Variants in CDH4 observed in about 807,000 individuals in gnomAD.
The protein encoded by CDH4 is cadherin-4.
CDH4 carries 33 observed loss-of-function variants against 86.0 expected under a neutral mutation model. That is an observed-to-expected ratio of 0.38 (90% CI 0.29 to 0.51). CDH4 has a LOEUF of 0.51. Among genes scored for constraint, CDH4 ranks in the 20% least tolerant of loss-of-function variants. The pLI, the probability that CDH4 is intolerant of heterozygous loss-of-function variation, is 0.86. For synonymous variants in CDH4, 555 were observed against 549.4 expected, an observed-to-expected ratio of 1.01 and a Z score of -0.14; for missense variants, 1,114 against 1,307.4, an observed-to-expected ratio of 0.85 and a Z score of 2.28.
chr20:61,404,518 G>A (rs2085069088), intron 2 of CDH4, among the ~76,000 whole-genome samples: 1 of 152,088 alleles, frequency 6.6e-6, no homozygotes, highest in Non-Finnish European at 1.5e-5. Flanking sequence ...CTTAATTGTG[G>A]TTATGACGAT....
intron 2 of CDH4, among the ~76,000 whole-genome samples, chr20:61,487,928 T>C (rs1396242167): frequency 6.6e-6 from 1 of 152,204 alleles, no homozygotes; most frequent in South Asian, 2.1e-4. Context: ...CTCTTCCTAA[T>C]AGGAGCATCT....
chr20:61,256,995 A>G (rs1337641885), intron 2 of CDH4, among the ~76,000 whole-genome samples: 1 of 152,258 alleles, frequency 6.6e-6, no homozygotes, highest in African/African-American at 2.4e-5. Flanking sequence ...CTGTACGCAG[A>G]GTACTTTGAA....
intron 5 of CDH4, among the ~76,000 whole-genome samples, chr20:61,848,401 T>G (rs1982557230): frequency 6.6e-6 from 1 of 152,272 alleles, no homozygotes. Context: ...AGACAGGGTC[T>G]CGCTCTGTCA....
chr20:61,295,091 G>T (rs944888969), intron 2 of CDH4, among the ~76,000 whole-genome samples: 1 of 152,224 alleles, frequency 6.6e-6, no homozygotes, highest in East Asian at 1.9e-4. Flanking sequence ...TCGAAGGCAG[G>T]GAGTGTCATG....
rs1333650352 is a variant in CDH4, at chr20:61,937,311, G to A, written c.*368G>A. 1 of 162,628 alleles carries A rather than the reference G, an allele frequency of 6.1e-6. No homozygotes were observed. Among genetic ancestry groups the A allele is most frequent in the African/African-American group, 2.4e-5 (1 of 41,106 alleles). 10.1% of individuals were successfully genotyped at this position (162,628 alleles called of 1,614,324 possible). On this transcript the variant is annotated 3_prime_UTR_variant, in exon 16 of 16. Transcript: ENST00000614565. ...GTATCAGATTCCCTCAAACTCAGGA[G>A]TGTCTAAAGCAGACAGACCGTCCCC...
At chr20:61,314,580 T>C (rs35525040) in intron 2 of CDH4, among the ~76,000 whole-genome samples, 6,658 of 152,286 alleles carry the variant, frequency 0.044, 197 homozygotes, top group African/African-American at 0.067. Flanking sequence ...TGCAATGAAC[T>C]TGGGACTGCA....
intron 2 of CDH4, among the ~76,000 whole-genome samples, chr20:61,595,559 A>G (rs747945525): frequency 1.5e-4 from 23 of 152,184 alleles, no homozygotes; most frequent in Non-Finnish European, 2.5e-4. Context: ...AACAATAAGA[A>G]CTGCCCAGGA....
At chr20:61,624,636 G>A (rs554499033) in intron 2 of CDH4, among the ~76,000 whole-genome samples, 121 of 152,378 alleles carry the variant, frequency 7.9e-4, no homozygotes, top group African/African-American at 2.8e-3. Flanking sequence ...CAGGGACAAA[G>A]AGAGGAAAAG....
intron 2 of CDH4, among the ~76,000 whole-genome samples, chr20:61,654,266 A>C (rs2087162717): frequency 6.6e-6 from 1 of 152,234 alleles, no homozygotes. Context: ...CCACCAAAAA[A>C]ACATGAAAAC....
intron 7 of CDH4, among the ~76,000 whole-genome samples, chr20:61,889,778 G>A (rs910712323): frequency 1.3e-5 from 2 of 151,392 alleles, no homozygotes; most frequent in Non-Finnish European, 2.9e-5. Flanking sequence ...TATGCATGAT[G>A]GATGGGTGAG....
chr20:61,720,440 T>C (rs575116194), intron 2 of CDH4, among the ~76,000 whole-genome samples: 8 of 139,678 alleles, frequency 5.7e-5, no homozygotes, highest in Middle Eastern at 3.7e-3. Context: ...GGATGCAAGA[T>C]GTAGGGGTGC....
intron 2 of CDH4, among the ~76,000 whole-genome samples, chr20:61,732,291 T>C (rs2088200283): frequency 6.6e-6 from 1 of 152,158 alleles, no homozygotes; most frequent in South Asian, 2.1e-4. Flanking sequence ...CAACACTCAG[T>C]CTCTGCACTG....
Position 61,923,581 on chromosome 20 carries a change from A to T in CDH4, c.1505A>T (p.Asn502Ile). 2 of 1,614,182 alleles carry T rather than the reference A, an allele frequency of 1.2e-6. No individual in the cohort carries two copies. The highest frequency in any genetic ancestry group is 1.7e-6 in the Non-Finnish European group (2 of 1,180,030). Reference sequence around the variant, plus strand: ...GTGACCATCTCCATCATGGACATCAACGAGGCTCCCTACTTCCCCTCAAAC... The same window carrying T: ...GTGACCATCTCCATCATGGACATCATCGAGGCTCCCTACTTCCCCTCAAAC... ...AGVTISIMDI[N>I]EAPYFPSNHK... The change falls in exon 10 of 16, where the codon AAC (asparagine) becomes ATC (isoleucine). Residue 502 changes from asparagine to isoleucine, a missense_variant. By Grantham distance (149) the Asn-to-Ile change is moderately radical. Transcript: ENST00000614565.
chr20:61,423,945 A>G lies in CDH4; in HGVS notation c.169+169008A>G, dbSNP rs146551153. The stretch of plus-strand genomic sequence containing the variant: ...AGGCTGTGCACATGCTCCTGTACAC[A>G]GGCACATGCCCACACCTACAAATGA... On this transcript the variant is annotated intron_variant, in intron 2 of 15. Transcript: ENST00000614565. Among the ~76,000 whole-genome samples, 25 of 149,272 alleles carry G rather than the reference A, an allele frequency of 1.7e-4. 1 individual carries two copies. In the East Asian group the frequency reaches 4.8e-3, roughly 29 times the overall value.
intron 2 of CDH4, among the ~76,000 whole-genome samples, chr20:61,658,781 C>T (rs2087219869): frequency 6.6e-6 from 1 of 152,168 alleles, no homozygotes; most frequent in Non-Finnish European, 1.5e-5. Context: ...CACTCCCAGG[C>T]AGCAACACCC....
rs868495575 is a variant in CDH4, at chr20:61,282,919, T to C, written c.169+27982T>C. 1.3e-3 allele frequency among the ~76,000 whole-genome samples: 190 copies of C among 150,614 alleles called. 2 individuals carry two copies. Among genetic ancestry groups the C allele is most frequent in the African/African-American group, 4.5e-3 (184 of 40,598 alleles). ...CGCGTGTGCTGTGGCGTGTGTGATG[T>C]ACGTGCATTTGCACGCGTGTGCTGT... On this transcript the variant is annotated intron_variant, in intron 2 of 15. Transcript: ENST00000614565.
chr20:61,594,913 C>T (rs1028054431), intron 2 of CDH4, among the ~76,000 whole-genome samples: 1 of 152,182 alleles, frequency 6.6e-6, no homozygotes, highest in Non-Finnish European at 1.5e-5. Context: ...TCAGTGTGGC[C>T]ATTTATTAGT....
At chr20:61,822,238 C>T (rs1601024093) in intron 4 of CDH4, among the ~76,000 whole-genome samples, 2 of 152,156 alleles carry the variant, frequency 1.3e-5, no homozygotes, top group East Asian at 3.8e-4. Flanking sequence ...AGAAAAATTG[C>T]TTGTGTAATG....
chr20:61,846,580 CAG>C (rs1342295652), intron 5 of CDH4, among the ~76,000 whole-genome samples: 2 of 151,906 alleles, frequency 1.3e-5, no homozygotes, highest in Non-Finnish European at 2.9e-5. Flanking sequence ...ACATAGGAGA[CAG>C]AGAAGAGAGA....
Sources: gnomAD v4.1 joint callset for allele counts (sites outside exome capture counted in the v4.1 genomes callset) on GRCh38, gnomAD v4.1.1 for gene constraint, MANE v1.5 for transcripts, NCBI Gene and HGNC (gene_info 2026-07-23, HGNC 2026-07-21) for gene names.